The following SGF29 variants were observed in gnomAD, a reference collection of about 807,000 sequenced individuals.
SGF29 encodes the protein SAGA-associated factor 29.
In SGF29, 15 loss-of-function variants were observed where a neutral mutation model predicts 38.1. The ratio of observed to expected loss-of-function variants is 0.39; its 90% CI spans 0.26 to 0.61. The LOEUF (loss-of-function observed/expected upper bound fraction) is 0.61. Among genes scored for constraint, SGF29 ranks in the 20% least tolerant of loss-of-function variants. The pLI is 0.49. For missense variants in SGF29, 184 were observed against 394.6 expected, an observed-to-expected ratio of 0.47 and a Z score of 4.52; for synonymous variants, 151 against 160.8, an observed-to-expected ratio of 0.94 and a Z score of 0.46.
chr16:28,557,824 C>G lies in SGF29; in HGVS notation c.-16+3727C>G, dbSNP rs188442253. Among the ~76,000 whole-genome samples the G allele has an allele frequency of 8.5e-3, 1,301 of 152,234 alleles. 6 individuals carry two copies. Among genetic ancestry groups the G allele is most frequent in the South Asian group, 0.013 (65 of 4,824 alleles). On this transcript the variant is annotated intron_variant, in intron 1 of 9. Transcript: ENST00000317058. ...ACGGAAATCTTATGTGTTGATTATC[C>G]TATATTGTGACAGCAGAGGAGAAAG...
At chr16:28,567,926 A>G (rs1805407389) in intron 1 of SGF29, among the ~76,000 whole-genome samples, 1 of 152,182 alleles carries the variant, frequency 6.6e-6, no homozygotes, top group Admixed American at 6.5e-5. Flanking sequence ...CCTGGGACAC[A>G]CTTGTAAGTT....
chr16:28,583,504 G>T (rs943057476), intron 2 of SGF29, among the ~76,000 whole-genome samples: 1 of 152,168 alleles, frequency 6.6e-6, no homozygotes, highest in Non-Finnish European at 1.5e-5. Context: ...TCATTTTGCA[G>T]GTTGAGGTAA....
chr16:28,585,588 A>C, intron 3 of SGF29, 60 bp from the exon 4 acceptor site: 1 of 1,375,734 alleles, frequency 7.3e-7, no homozygotes, highest in South Asian at 1.2e-5. Context: ...GCATGGAAGC[A>C]GTGCCATGCT....
intron 1 of SGF29, among the ~76,000 whole-genome samples, chr16:28,566,491 A>G (rs921346165): frequency 5.3e-5 from 8 of 151,932 alleles, no homozygotes; most frequent in Non-Finnish European, 1.2e-4. Flanking sequence ...AGGCATGGAG[A>G]TAAGAAATTA....
intron 1 of SGF29, among the ~76,000 whole-genome samples, chr16:28,560,373 G>A (rs1315390873): frequency 6.6e-6 from 1 of 150,444 alleles, no homozygotes; most frequent in Non-Finnish European, 1.5e-5. Flanking sequence ...GGTGGATCAC[G>A]AGGTCAGGAG....
At chr16:28,560,145 T>C (rs746192848) in intron 1 of SGF29, among the ~76,000 whole-genome samples, 2 of 151,472 alleles carry the variant, frequency 1.3e-5, no homozygotes, top group Non-Finnish European at 2.9e-5. Flanking sequence ...GCACAAGAAT[T>C]GTTTGAACCC....
At chr16:28,569,151 T>C (rs976182947) in intron 1 of SGF29, among the ~76,000 whole-genome samples, 11 of 152,158 alleles carry the variant, frequency 7.2e-5, no homozygotes, top group African/African-American at 2.4e-4. Flanking sequence ...TTCTTTCTTA[T>C]GTCCTAGTGT....
chr16:28,560,403 ACATGGTGAAACC>A (rs2046779508), intron 1 of SGF29, among the ~76,000 whole-genome samples: 1 of 150,726 alleles, frequency 6.6e-6, no homozygotes, highest in Non-Finnish European at 1.5e-5. Flanking sequence ...AGCCTGACCA[ACATGGTGAAACC>A]CCATCTCTAC....
intron 1 of SGF29, among the ~76,000 whole-genome samples, chr16:28,558,161 A>G (rs1275589479): frequency 8.9e-5 from 13 of 145,634 alleles, no homozygotes; most frequent in Admixed American, 6.9e-4. Context: ...GCTGGAGTGC[A>G]GTGGTGCAGT....
chr16:28,576,483 C>T (rs1353772572), intron 1 of SGF29, among the ~76,000 whole-genome samples: 10 of 151,992 alleles, frequency 6.6e-5, no homozygotes, highest in African/African-American at 2.4e-4. Flanking sequence ...GGTGGATCAC[C>T]TAAGGTCAGG....
rs1001840518 is a variant in SGF29, at chr16:28,553,968, T to G, written c.-145T>G. The G allele has an allele frequency of 3.3e-5, 5 of 152,168 alleles. No individual in the cohort carries two copies. Among genetic ancestry groups the G allele is most frequent in the African/African-American group, 1.2e-4 (5 of 41,408 alleles). The allele number at this position is 152,168 out of a possible 1,614,324, so 9.4% of individuals were successfully genotyped here. ...AAAAGGAAAAAAAAGCGTGTGCGGT[T>G]CTCGACGTGCCGCCAATCTTCGAAC... On this transcript the variant is annotated 5_prime_UTR_variant, in exon 1 of 10. Transcript: ENST00000317058.
intron 1 of SGF29, among the ~76,000 whole-genome samples, chr16:28,564,685 G>A (rs1176353725): frequency 2.2e-4 from 16 of 71,180 alleles, no homozygotes; most frequent in African/African-American, 5.1e-4. Context: ...GTATATATAT[G>A]TGTATATATA....
At chr16:28,565,662 T>C (rs1299657023) in intron 1 of SGF29, among the ~76,000 whole-genome samples, 1 of 151,964 alleles carries the variant, frequency 6.6e-6, no homozygotes, top group Non-Finnish European at 1.5e-5. Context: ...CACACCTGGC[T>C]AATTTTTGTA....
intron 1 of SGF29, among the ~76,000 whole-genome samples, chr16:28,556,026 A>G (rs1180809554): frequency 6.6e-6 from 1 of 152,126 alleles, no homozygotes; most frequent in African/African-American, 2.4e-5. Flanking sequence ...TCTTCACTAT[A>G]CTTACTATTC....
intron 1 of SGF29, among the ~76,000 whole-genome samples, chr16:28,558,680 A>T (rs183646051): frequency 6.6e-6 from 1 of 152,362 alleles, no homozygotes; most frequent in African/African-American, 2.4e-5. Context: ...GAGTGGATTA[A>T]AAACGACATC....
intron 2 of SGF29, 125 bp from the exon 3 acceptor site, chr16:28,584,788 C>CA (rs377573618): frequency 0.056 from 23,415 of 414,920 alleles, 5 homozygotes; most frequent in East Asian, 0.095. Flanking sequence ...GACTCCATCT[C>CA]AAAAAAAAAA....
chr16:28,564,553 A>ATATATATG (rs2046812173), intron 1 of SGF29, among the ~76,000 whole-genome samples: 7 of 108,720 alleles, frequency 6.4e-5, no homozygotes, highest in African/African-American at 2.6e-4. Context: ...ATATATACGT[A>ATATATATG]TATATATATA....
chr16:28,554,278 G>GCCGGGGCTCGGGGAGGGCGGGC (rs1186383486), intron 1 of SGF29, 181 bp downstream of exon 1: 5 of 148,392 alleles, frequency 3.4e-5, no homozygotes, highest in African/African-American at 1.2e-4. Flanking sequence ...GGAGGGCGGG[G>GCCGGGGCTCGGGGAGGGCGGGC]CCGGGGCTCG....
In SGF29 at chr16:28,554,352, G is replaced by C. The variant is rs559097580; in HGVS notation, c.-16+255G>C. 1.2e-3 allele frequency among the ~76,000 whole-genome samples: 189 copies of C among 152,218 alleles called. 3 individuals carry two copies. Among genetic ancestry groups the C allele is most frequent in the South Asian group, 6.0e-3 (29 of 4,826 alleles). On this transcript the variant is annotated intron_variant, in intron 1 of 9. Transcript: ENST00000317058. ...GCTTGCGTGCTTCCATCCCCGGCGA[G>C]GGTGGGAAACAGCGACACGCTGGGC...
Sources: allele counts gnomAD v4.1 joint callset (sites outside exome capture counted in the v4.1 genomes callset), GRCh38; gene constraint gnomAD v4.1.1; transcripts MANE v1.5; gene names NCBI Gene and HGNC (gene_info 2026-07-23, HGNC 2026-07-21).